Variants in ZMIZ1 observed in about 807,000 individuals in gnomAD.
ZMIZ1 encodes zinc finger MIZ-type containing 1.
Under a neutral mutation model 113.9 loss-of-function variants are expected in ZMIZ1, and 17 were observed. The ratio of observed to expected loss-of-function variants is 0.15; its 90% CI spans 0.10 to 0.22. ZMIZ1 has a LOEUF of 0.22. Among genes scored for constraint, ZMIZ1 ranks in the 10% least tolerant of loss-of-function variants. ZMIZ1 has a pLI of 1.00. For synonymous variants in ZMIZ1, 607 were observed against 603.1 expected (o/e 1.01, Z -0.09); for missense variants, 1,059 against 1,477.8 (o/e 0.72, Z 4.65).
chr10:79,227,455 C>T (rs2132762434), intron 7 of ZMIZ1, among the ~76,000 whole-genome samples: 2 of 152,256 alleles, frequency 1.3e-5, no homozygotes, highest in East Asian at 3.9e-4. Context: ...GGGTGTGAAT[C>T]CCACCCAGCC....
chr10:79,129,192 A>G (rs910315553), intron 2 of ZMIZ1, among the ~76,000 whole-genome samples: 10 of 152,194 alleles, frequency 6.6e-5, no homozygotes, highest in African/African-American at 2.4e-4. Context: ...TACACAAGGT[A>G]CTGTTATAAG....
chr10:79,270,529 C>T (rs901775420), intron 7 of ZMIZ1, among the ~76,000 whole-genome samples: 16 of 152,208 alleles, frequency 1.1e-4, no homozygotes, highest in Non-Finnish European at 1.9e-4. Flanking sequence ...AGGAAGAATG[C>T]GCCGCCGATC....
chr10:79,129,232 A>T (rs1407908490), intron 2 of ZMIZ1, among the ~76,000 whole-genome samples: 10 of 152,228 alleles, frequency 6.6e-5, no homozygotes, highest in African/African-American at 2.4e-4. Flanking sequence ...AAACTGAGAC[A>T]CAGAGAGTAG....
chr10:79,281,030 A>G (rs781384038), intron 8 of ZMIZ1, among the ~76,000 whole-genome samples: 1 of 152,056 alleles, frequency 6.6e-6, no homozygotes, highest in Non-Finnish European at 1.5e-5. Flanking sequence ...CCTCCAAGTT[A>G]TTTTAGTAAA....
At chr10:79,277,133 C>T (rs1315261835) in intron 7 of ZMIZ1, 48 bp from the exon 8 acceptor site, 9 of 1,458,686 alleles carry the variant, frequency 6.2e-6, no homozygotes, top group Non-Finnish European at 8.1e-6. Context: ...CTTGGTGTGG[C>T]AGAGCATGAT....
chr10:79,310,794 C>A, intron 23 of ZMIZ1, 130 bp from the exon 24 acceptor site: 2 of 1,049,348 alleles, frequency 1.9e-6, no homozygotes, highest in Non-Finnish European at 2.7e-6. Flanking sequence ...CAACGTTCAG[C>A]CTCGTACCGG....
In ZMIZ1 at chr10:79,307,400, C is replaced by T; in HGVS notation, c.2669-5C>T. 6.2e-7 allele frequency: 1 copy of T among 1,612,344 alleles called. No individual in the cohort carries two copies. Among genetic ancestry groups the T allele is most frequent in the Non-Finnish European group, 8.5e-7 (1 of 1,179,144 alleles). ...CCCTCCCCTCCCCATCTCATCCCTT[C>T]CTAGGCAACAACTACCAAGGCCATG... On this transcript the variant is annotated splice_polypyrimidine_tract_variant and splice_region_variant and intron_variant, in intron 22 of 24. Coordinates refer to ENST00000334512, the MANE Select transcript of ZMIZ1 (RefSeq NM_020338.4).
chr10:79,248,560 C>T (rs760479052), intron 7 of ZMIZ1, among the ~76,000 whole-genome samples: 1 of 152,132 alleles, frequency 6.6e-6, no homozygotes. Context: ...GCGAGGTCGG[C>T]GTCCTGCTGT....
chr10:79,278,728 CAT>C (rs1418807235), intron 8 of ZMIZ1, among the ~76,000 whole-genome samples: 1 of 151,886 alleles, frequency 6.6e-6, no homozygotes, highest in Non-Finnish European at 1.5e-5. Flanking sequence ...GGACACAGCA[CAT>C]GTTTCAGAGA....
At chr10:79,226,434 C>T (rs1441309468) in intron 7 of ZMIZ1, among the ~76,000 whole-genome samples, 2 of 152,216 alleles carry the variant, frequency 1.3e-5, no homozygotes, top group African/African-American at 4.8e-5. Flanking sequence ...CAGGTGCACC[C>T]AGGACAGAGG....
At chr10:79,257,105 C>T (rs1231890065) in intron 7 of ZMIZ1, among the ~76,000 whole-genome samples, 1 of 152,178 alleles carries the variant, frequency 6.6e-6, no homozygotes, top group Non-Finnish European at 1.5e-5. Context: ...ATTAAGCAAG[C>T]CCGAGTGAGC....
chr10:79,229,659 C>G (rs1268077334), intron 7 of ZMIZ1, among the ~76,000 whole-genome samples: 1 of 152,228 alleles, frequency 6.6e-6, no homozygotes, highest in Non-Finnish European at 1.5e-5. Context: ...AACGTAAGCT[C>G]ATGGGTAGCT....
chr10:79,198,023 G>T (rs1847917394), intron 4 of ZMIZ1, among the ~76,000 whole-genome samples: 1 of 152,144 alleles, frequency 6.6e-6, no homozygotes, highest in African/African-American at 2.4e-5. Context: ...ACTTTTGGAG[G>T]CTGAGATGGG....
In ZMIZ1 at chr10:79,306,238, C is replaced by A; in HGVS notation, c.2562C>A (p.Ile854=). 1.2e-6 allele frequency: 2 copies of A among 1,614,168 alleles called. No homozygotes were observed. The highest frequency in any genetic ancestry group is 2.2e-5 in the South Asian group (2 of 91,088). The change falls in exon 22 of 25, where the codon ATC becomes ATA. Residue 854 remains isoleucine, a synonymous_variant. Coordinates refer to ENST00000334512, the MANE Select transcript of ZMIZ1 (RefSeq NM_020338.4). ...RFKTMSPSQM[I]MPNVMEMIAA... ...AGACCATGAGTCCCAGCCAGATGAT[C>A]ATGCCCAATGTCATGGAGATGATCG...
chr10:79,094,888 G>T (rs1040578207), intron 1 of ZMIZ1, among the ~76,000 whole-genome samples: 2 of 152,062 alleles, frequency 1.3e-5, no homozygotes, highest in African/African-American at 4.8e-5. Flanking sequence ...GGTCGAGGCT[G>T]TAGTGAGCCA....
intron 6 of ZMIZ1, among the ~76,000 whole-genome samples, chr10:79,214,302 G>A (rs1848635369): frequency 6.6e-6 from 1 of 152,198 alleles, no homozygotes; most frequent in Admixed American, 6.5e-5. Context: ...TTCTGTGCCA[G>A]GGGCTTCTGT....
chr10:79,110,460 C>A, intron 1 of ZMIZ1, among the ~76,000 whole-genome samples: 1 of 152,284 alleles, frequency 6.6e-6, no homozygotes, highest in South Asian at 2.1e-4. Flanking sequence ...TCCGTCCCAC[C>A]GAAGAAGAGT....
chr10:79,198,938 G>A (rs1847952156), intron 4 of ZMIZ1, among the ~76,000 whole-genome samples: 1 of 151,996 alleles, frequency 6.6e-6, no homozygotes, highest in Non-Finnish European at 1.5e-5. Flanking sequence ...GGAAGCTAAG[G>A]CAGGAGAATC....
intron 7 of ZMIZ1, among the ~76,000 whole-genome samples, chr10:79,247,422 C>A (rs1850274645): frequency 6.6e-6 from 1 of 152,222 alleles, no homozygotes; most frequent in South Asian, 2.1e-4. Context: ...GGAGCTACCC[C>A]CATCACCCAG....
Sources: gnomAD v4.1 joint callset for allele counts (sites outside exome capture counted in the v4.1 genomes callset) on GRCh38, gnomAD v4.1.1 for gene constraint, MANE v1.5 for transcripts, NCBI Gene and HGNC (gene_info 2026-07-23, HGNC 2026-07-21) for gene names.